RFX3: variants seen among roughly 807,000 people sequenced by gnomAD.
RFX3 encodes the protein regulatory factor X3.
In RFX3, 14 loss-of-function variants were observed where a neutral mutation model predicts 98.6. The observed-to-expected ratio is 0.14, with a 90% CI of 0.09 to 0.22. The LOEUF is 0.22. Ranked by LOEUF, RFX3 falls within the 10% of genes least tolerant of loss-of-function variation. The pLI is 1.00. For synonymous variants in RFX3, 383 were observed against 328.4 expected, an observed-to-expected ratio of 1.17 and a Z score of -1.80; for missense variants, 639 against 926.9, an observed-to-expected ratio of 0.69 and a Z score of 4.03.
chr9:3,435,888 C>T (rs1207365163), intron 1 of RFX3, among the ~76,000 whole-genome samples: 1 of 150,700 alleles, frequency 6.6e-6, no homozygotes, highest in African/African-American at 2.4e-5. Flanking sequence ...CATGATGCTG[C>T]TCTCTCAACA....
At chr9:3,399,451 A>G (rs1841256809) in intron 1 of RFX3, among the ~76,000 whole-genome samples, 1 of 152,014 alleles carries the variant, frequency 6.6e-6, no homozygotes, top group Non-Finnish European at 1.5e-5. Flanking sequence ...TCTCAAAACA[A>G]AAAACAAAAA....
intron 3 of RFX3, among the ~76,000 whole-genome samples, chr9:3,341,300 T>C (rs902980355): frequency 6.7e-6 from 1 of 149,722 alleles, no homozygotes; most frequent in African/African-American, 2.6e-5. Flanking sequence ...ATATACCTAA[T>C]GCTAAATGAC....
intron 1 of RFX3, among the ~76,000 whole-genome samples, chr9:3,521,784 T>C (rs1443691883): frequency 6.6e-6 from 1 of 152,074 alleles, no homozygotes; most frequent in African/African-American, 2.4e-5. Context: ...GTCAAAAAAT[T>C]ATTTCAGTAA....
intron 1 of RFX3, among the ~76,000 whole-genome samples, chr9:3,457,651 T>G (rs1847315636): frequency 6.6e-6 from 1 of 152,182 alleles, no homozygotes; most frequent in Admixed American, 6.5e-5. Context: ...TTCAGCTTCC[T>G]GTATGCCATT....
At chr9:3,439,912 A>G (rs7850576) in intron 1 of RFX3, among the ~76,000 whole-genome samples, 26,790 of 152,006 alleles carry the variant, frequency 0.18, 3,271 homozygotes, top group African/African-American at 0.34. Context: ...AATACATCAG[A>G]ACTACGTAGA....
At chr9:3,234,680 C>T (rs1172558385) in intron 15 of RFX3, among the ~76,000 whole-genome samples, 1 of 151,944 alleles carries the variant, frequency 6.6e-6, no homozygotes, top group Non-Finnish European at 1.5e-5. Flanking sequence ...AAAAGCACCC[C>T]ACCCCAAAAT....
chr9:3,309,585 G>A (rs960153814), intron 4 of RFX3, among the ~76,000 whole-genome samples: 4 of 151,518 alleles, frequency 2.6e-5, no homozygotes, highest in Non-Finnish European at 5.9e-5. Context: ...GAGAATGGGG[G>A]TGGGGAGGAG....
intron 13 of RFX3, 103 bp from the exon 14 acceptor site, chr9:3,257,302 G>C: frequency 5.7e-6 from 5 of 873,404 alleles, no homozygotes; most frequent in Non-Finnish European, 8.9e-6. Flanking sequence ...TATAATAAAA[G>C]CTTCACACAG....
intron 1 of RFX3, among the ~76,000 whole-genome samples, chr9:3,503,815 G>A (rs1194335663): frequency 6.6e-6 from 1 of 151,838 alleles, no homozygotes; most frequent in Non-Finnish European, 1.5e-5. Context: ...AAACACTGAA[G>A]AGCATTTTTA....
chr9:3,332,451 T>C (rs1563940350), intron 3 of RFX3, among the ~76,000 whole-genome samples: 1 of 152,292 alleles, frequency 6.6e-6, no homozygotes, highest in East Asian at 1.9e-4. Flanking sequence ...TCAAAAACTT[T>C]CAAATTTTGG....
intron 1 of RFX3, among the ~76,000 whole-genome samples, chr9:3,470,135 A>G (rs1848645163): frequency 6.6e-6 from 1 of 152,210 alleles, no homozygotes; most frequent in African/African-American, 2.4e-5. Flanking sequence ...AGACACAGAC[A>G]TAGCCTATGT....
At position 3,245,657 on chromosome 9, in the gene RFX3, G is replaced by C. The variant is rs4741820; in HGVS notation, c.1968+2375C>G. 9.5e-3 allele frequency among the ~76,000 whole-genome samples: 1,440 copies of C among 152,306 alleles called. 66 individuals are homozygous for C. Among genetic ancestry groups the C allele is most frequent in the Admixed American group, 0.069 (1,058 of 15,300 alleles). On this transcript the variant is annotated intron_variant, in intron 15 of 16. Coordinates refer to ENST00000617270, the MANE Select transcript of RFX3 (RefSeq NM_001282116.2). ...GGAGGATCGTGGCGCCATTTACTGA[G>C]AAAGAGCCATTAGTTGATACAGCAA...
At chr9:3,384,104 G>A (rs1400188323) in intron 2 of RFX3, among the ~76,000 whole-genome samples, 1 of 152,134 alleles carries the variant, frequency 6.6e-6, no homozygotes, top group Admixed American at 6.6e-5. Context: ...AATCCCTAGA[G>A]GTTCCACAAA....
Position 3,487,870 on chromosome 9 carries a change from C to A in RFX3, c.-9+37877G>T, listed in dbSNP as rs138466826. Reference sequence around the variant, plus strand: ...AAAGATCTGGAAAAGTGTTTCTTGACCTTTCTATCTCAAGTTTCCTCATCC... The same window carrying A: ...AAAGATCTGGAAAAGTGTTTCTTGAACTTTCTATCTCAAGTTTCCTCATCC... On this transcript the variant is annotated intron_variant, in intron 1 of 16. Transcript: ENST00000617270. 3.6e-3 allele frequency among the ~76,000 whole-genome samples: 553 copies of A among 152,208 alleles called. 4 individuals are homozygous for A. The highest frequency in any genetic ancestry group is 5.7e-3 in the Non-Finnish European group (390 of 67,996).
rs10970994 is a variant in RFX3, at chr9:3,256,034, T to A, written c.1814+957A>T. On this transcript the variant is annotated intron_variant, in intron 14 of 16. Coordinates refer to ENST00000617270, the MANE Select transcript of RFX3 (RefSeq NM_001282116.2). Reference sequence around the variant, plus strand: ...TAGGCTGGAGTGCAGTGGCATGATCTCGGCTCACTGCAAGCTCCGCCTTCC... The same window carrying A: ...TAGGCTGGAGTGCAGTGGCATGATCACGGCTCACTGCAAGCTCCGCCTTCC... Among the ~76,000 whole-genome samples, 83 of 152,278 alleles carry A rather than the reference T, an allele frequency of 5.5e-4. 3 individuals are homozygous for A. The East Asian group carries it at 0.013, about 23-fold the overall frequency.
intron 1 of RFX3, among the ~76,000 whole-genome samples, chr9:3,469,430 T>C (rs1848584809): frequency 2.6e-5 from 4 of 152,130 alleles, no homozygotes. Flanking sequence ...ATGAAAACAA[T>C]ATTTTCAATA....
Position 3,348,407 on chromosome 9 carries a change from G to A in RFX3, c.118-1643C>T, listed in dbSNP as rs149414879. The stretch of plus-strand genomic sequence containing the variant: ...TGGGTCTATCTATTAATAGTATCCT[G>A]CTCCCTATCCACGTTTCGCCTGAGG... On this transcript the variant is annotated intron_variant, in intron 2 of 16. Transcript: ENST00000617270. Among the ~76,000 whole-genome samples the A allele has an allele frequency of 6.1e-3, 929 of 151,856 alleles. 3 individuals carry two copies. The highest frequency in any genetic ancestry group is 9.9e-3 in the Non-Finnish European group (670 of 67,926).
chr9:3,300,240 A>G (rs956365078), intron 5 of RFX3, among the ~76,000 whole-genome samples: 2 of 151,818 alleles, frequency 1.3e-5, no homozygotes, highest in Non-Finnish European at 2.9e-5. Context: ...AAATGAAAAA[A>G]CTTATATTTC....
chr9:3,406,563 C>T (rs911775040), intron 1 of RFX3, among the ~76,000 whole-genome samples: 1 of 152,086 alleles, frequency 6.6e-6, no homozygotes, highest in Admixed American at 6.6e-5. Context: ...ATCTTTTTCA[C>T]TTACATATGT....
Sources: gnomAD v4.1 joint callset for allele counts (sites outside exome capture counted in the v4.1 genomes callset) on GRCh38, gnomAD v4.1.1 for gene constraint, MANE v1.5 for transcripts, NCBI Gene and HGNC (gene_info 2026-07-23, HGNC 2026-07-21) for gene names.